Variants in ACOT7 observed in about 807,000 individuals in gnomAD.
ACOT7 encodes cytosolic acyl coenzyme A thioester hydrolase.
Under a neutral mutation model 40.2 loss-of-function variants are expected in ACOT7, and 12 were observed. The ratio of observed to expected loss-of-function variants is 0.30; its 90% confidence interval spans 0.19 to 0.48. The LOEUF (loss-of-function observed/expected upper bound fraction) is 0.48. ACOT7 is among the 20% of genes least tolerant of loss of function. The probability of loss-of-function intolerance (pLI) is 0.99; values close to 1 mark genes in which losing one functional copy is unlikely to be tolerated. For synonymous variants in ACOT7, 228 were observed against 219.5 expected, an observed-to-expected ratio of 1.04 and a Z score of -0.34; for missense variants, 395 against 530.8, an observed-to-expected ratio of 0.74 and a Z score of 2.51.
intron 2 of ACOT7, among the ~76,000 whole-genome samples, chr1:6,342,682 C>A (rs955693372): frequency 6.6e-6 from 1 of 152,154 alleles, no homozygotes; most frequent in African/African-American, 2.4e-5. Flanking sequence ...ATTGAACATT[C>A]TTCTTCTGTT....
intron 2 of ACOT7, among the ~76,000 whole-genome samples, chr1:6,344,701 T>C (rs1017667979): frequency 8.0e-4 from 112 of 140,566 alleles, no homozygotes; most frequent in African/African-American, 3.0e-3. Context: ...GAGGCAGAGG[T>C]TGCAGTGAGC....
At chr1:6,333,666 A>C in intron 3 of ACOT7, 98 bp from the exon 4 acceptor site, 1 of 1,184,120 alleles carries the variant, frequency 8.4e-7, no homozygotes, top group East Asian at 2.4e-5. Flanking sequence ...GCCCGGTCCC[A>C]GTACCTGAAA....
At position 6,359,832 on chromosome 1, in the gene ACOT7, C is replaced by G. The variant is rs1268238455; in HGVS notation, c.144-9966G>C. On this transcript the variant is annotated intron_variant, in intron 1 of 8. Coordinates refer to ENST00000361521, the MANE Select transcript of ACOT7 (RefSeq NM_007274.4). The surrounding 1 kb of genome is among the most constrained non-coding windows in gnomAD (Gnocchi z 4.1). ...AGAGTGCAGGCCGCACAGCCTCAAC[C>G]AGGCTGCACCCGCCGGCCTCTGGGC... Among the ~76,000 whole-genome samples the G allele has an allele frequency of 2.6e-5, 4 of 152,194 alleles. No individual in the cohort carries two copies. Among genetic ancestry groups the G allele is most frequent in the Admixed American group, 2.6e-4 (4 of 15,286 alleles).
At chr1:6,284,012 C>T (rs1368931264) in intron 7 of ACOT7, among the ~76,000 whole-genome samples, 1 of 152,122 alleles carries the variant, frequency 6.6e-6, no homozygotes, top group Non-Finnish European at 1.5e-5. Context: ...AAGAAAAAAA[C>T]TGGAAATCTG....
intron 2 of ACOT7, among the ~76,000 whole-genome samples, chr1:6,347,816 G>C (rs1641474999): frequency 6.6e-6 from 1 of 151,844 alleles, no homozygotes; most frequent in East Asian, 1.9e-4. Context: ...GGTGTTGTGA[G>C]GATTCCATGA....
chr1:6,303,224 C>T (rs1640019132), intron 6 of ACOT7, among the ~76,000 whole-genome samples: 1 of 152,066 alleles, frequency 6.6e-6, no homozygotes, highest in East Asian at 1.9e-4. Flanking sequence ...CATTACAGTC[C>T]ACCGCAGGCA....
At chr1:6,296,430 T>C (rs1258625959) in intron 6 of ACOT7, among the ~76,000 whole-genome samples, 1 of 151,688 alleles carries the variant, frequency 6.6e-6, no homozygotes, top group Non-Finnish European at 1.5e-5. Flanking sequence ...ATTTTTAATT[T>C]TTTTTTTTTT....
intron 3 of ACOT7, 102 bp from the exon 4 acceptor site, chr1:6,333,670 C>G: frequency 8.9e-7 from 1 of 1,120,680 alleles, no homozygotes; most frequent in Non-Finnish European, 1.3e-6. Flanking sequence ...GGTCCCAGTA[C>G]CTGAAACACA....
chr1:6,305,208 C>A lies in ACOT7; in HGVS notation c.713-10228G>T, dbSNP rs1482484626. Among the ~76,000 whole-genome samples the A allele has an allele frequency of 4.0e-5, 6 of 149,410 alleles. 1 individual carries two copies. The highest frequency in any genetic ancestry group is 7.5e-5 in the African/African-American group (3 of 40,058). Reference sequence around the variant, plus strand: ...GCTGGCCGGGCGGGGGGCTGTCCCCCCCACATCCTTCCCGGACGGGGCGGC... The same window carrying A: ...GCTGGCCGGGCGGGGGGCTGTCCCCACCACATCCTTCCCGGACGGGGCGGC... On this transcript the variant is annotated intron_variant, in intron 6 of 8. Transcript: ENST00000361521.
chr1:6,295,285 T>G, intron 6 of ACOT7: 1 of 238,952 alleles, frequency 4.2e-6, no homozygotes. Context: ...TCAACTGGGA[T>G]GGCTGCAATC....
chr1:6,296,705 G>A (rs1639822812), intron 6 of ACOT7, among the ~76,000 whole-genome samples: 1 of 152,072 alleles, frequency 6.6e-6, no homozygotes, highest in Non-Finnish European at 1.5e-5. Flanking sequence ...TTACAGGCAT[G>A]AGCCACCGCA....
Position 6,393,278 on chromosome 1 carries a change from G to C in ACOT7, c.122C>G (p.Pro41Arg). The C allele has an allele frequency of 1.6e-6, 2 of 1,284,050 alleles. No homozygotes were observed. Among genetic ancestry groups the C allele is most frequent in the Non-Finnish European group, 9.9e-7 (1 of 1,014,946 alleles). 79.5% of individuals were successfully genotyped at this position (1,284,050 alleles called of 1,614,324 possible). A position where few individuals can be genotyped will look rare whatever the true frequency, so the allele number is the denominator to read the frequency against. ...TTACCGGCAGATCTGGATGGCGGAC[G>C]GCGTCTCGACGTCTGGGCCCGACAT... The part of the protein sequence containing the change: ...PSMSGPDVET[P>R]SAIQICRIMR... The change falls in exon 1 of 9, where the codon CCG becomes CGG. Residue 41 changes from proline (P) to arginine (R), a missense_variant. Physicochemically the swap from Pro to Arg is moderately radical, Grantham distance 103 (BLOSUM62 -2). Coordinates refer to ENST00000361521, the MANE Select transcript of ACOT7 (RefSeq NM_007274.4).
chr1:6,304,536 C>T (rs1640066653), intron 6 of ACOT7, among the ~76,000 whole-genome samples: 1 of 134,602 alleles, frequency 7.4e-6, no homozygotes, highest in African/African-American at 2.9e-5. Flanking sequence ...GCAGAGGACC[C>T]TGCGGCCTTC....
chr1:6,351,884 A>C (rs531219809), intron 1 of ACOT7, among the ~76,000 whole-genome samples: 10 of 152,252 alleles, frequency 6.6e-5, no homozygotes, highest in African/African-American at 2.2e-4. Flanking sequence ...ATATGTGGGT[A>C]GCCTTTAAGA....
chr1:6,279,444 G>T (rs1639291509), intron 8 of ACOT7, among the ~76,000 whole-genome samples: 1 of 152,214 alleles, frequency 6.6e-6, no homozygotes, highest in African/African-American at 2.4e-5. Context: ...CACAGAAGAG[G>T]CTGTGGGGCT....
chr1:6,334,852 G>T (rs1641055693), intron 3 of ACOT7, among the ~76,000 whole-genome samples: 1 of 152,206 alleles, frequency 6.6e-6, no homozygotes, highest in African/African-American at 2.4e-5. Flanking sequence ...ATACTCCCAT[G>T]TCCCAGTCAT....
intron 1 of ACOT7, among the ~76,000 whole-genome samples, chr1:6,371,538 T>C (rs1467187457): frequency 1.3e-5 from 2 of 151,904 alleles, no homozygotes; most frequent in East Asian, 2.0e-4. Flanking sequence ...AATTTTTGTA[T>C]TTTTAGTAGA....
chr1:6,353,547 T>C (rs1476006459), intron 1 of ACOT7, among the ~76,000 whole-genome samples: 1 of 152,048 alleles, frequency 6.6e-6, no homozygotes, highest in Non-Finnish European at 1.5e-5. Context: ...GGCAGGAGAA[T>C]TGCTCGAACC....
intron 6 of ACOT7, among the ~76,000 whole-genome samples, chr1:6,304,130 G>C (rs1255111153): frequency 1.3e-5 from 2 of 152,156 alleles, no homozygotes; most frequent in South Asian, 2.1e-4. Context: ...CCAAAGCAAG[G>C]TCGCTTCCTG....
Sources: gnomAD v4.1 joint callset for allele counts (sites outside exome capture counted in the v4.1 genomes callset) on GRCh38, gnomAD v4.1.1 for gene constraint, Gnocchi (gnomAD v3.1) non-coding constraint, MANE v1.5 for transcripts, NCBI Gene and HGNC (gene_info 2026-07-23, HGNC 2026-07-21) for gene names.